Variants in LZTR1 observed in about 807,000 individuals in gnomAD.
The protein encoded by LZTR1 is leucine zipper like post translational regulator 1, also known as leucine-zipper-like transcriptional regulator 1.
Under a neutral mutation model 105.7 loss-of-function variants are expected in LZTR1, and 260 were observed. The ratio of observed to expected loss-of-function variants is 2.46; its 90% CI spans 2.22 to 2.72. LZTR1 has a LOEUF of 2.72. Ranked by LOEUF, LZTR1 falls within the 30% of genes most tolerant of loss-of-function variation. LZTR1 has a pLI of 0.00. For synonymous variants in LZTR1, 490 were observed against 476.4 expected (o/e 1.03, Z -0.37); for missense variants, 1,214 against 1,166.9 (o/e 1.04, Z -0.59).
Position 20,997,388 on chromosome 22 carries a change from C to A in LZTR1, c.*40C>A. 1 of 1,387,914 alleles carries A rather than the reference C, an allele frequency of 7.2e-7. No homozygotes were observed. Among genetic ancestry groups the A allele is most frequent in the Non-Finnish European group, 1.0e-6 (1 of 975,416 alleles). 86.0% of individuals were successfully genotyped at this position (1,387,914 alleles called of 1,614,324 possible). A position where few individuals can be genotyped will look rare whatever the true frequency, so the allele number is the denominator to read the frequency against. ...TGCCCATTGTGAAGAATCGCCGTGC[C>A]TGCCTGCCCTGCCTACTGAGAAGAC... On this transcript the variant is annotated 3_prime_UTR_variant, in exon 21 of 21. Coordinates refer to ENST00000646124, the MANE Select transcript of LZTR1 (RefSeq NM_006767.4).
chr22:20,995,259 A>G (rs5752415), intron 16 of LZTR1: 15,533 of 691,792 alleles, frequency 0.022, 1,052 homozygotes, highest in East Asian at 0.18. Context: ...TCCTGAGCCA[A>G]TTTCTGGGGG....
Position 20,995,022 on chromosome 22 carries a change from C to T in LZTR1, c.1938C>T (p.Asp646=). The T allele has an allele frequency of 6.2e-7, 1 of 1,607,446 alleles. No homozygotes were observed. Among genetic ancestry groups the T allele is most frequent in the Non-Finnish European group, 8.5e-7 (1 of 1,176,784 alleles). Reference sequence around the variant, plus strand: ...GCACTCCCTTGGACCAGCCAGTGGACATTGGTAGGGAGCCCCGTTCCCCTT... The same window carrying T: ...GCACTCCCTTGGACCAGCCAGTGGATATTGGTAGGGAGCCCCGTTCCCCTT... ...PPRTPLDQPV[D]IGTSLIQDMK... Residue 646 remains aspartate (D), a synonymous_variant, in exon 16 of 21, where the codon GAC becomes GAT. Transcript: ENST00000646124.
chr22:20,993,660 A>C lies in LZTR1; in HGVS notation c.1261-2A>C, dbSNP rs759240190. 1.9e-6 allele frequency: 3 copies of C among 1,612,648 alleles called. No homozygotes were observed. Among genetic ancestry groups the C allele is most frequent in the Non-Finnish European group, 2.5e-6 (3 of 1,179,344 alleles). ...TCTAGTCTCACTGGGCCCCTCTTGC[A>C]GTTCTCCTGTTACCCTAAATGCACG... On this transcript the variant is annotated splice_acceptor_variant, in intron 11 of 20. Transcript: ENST00000646124. LOFTEE classifies it high-confidence loss of function.
chr22:20,986,701 T>G (rs147650241), intron 3 of LZTR1: 1 of 152,210 alleles, frequency 6.6e-6, no homozygotes, highest in East Asian at 1.9e-4. Flanking sequence ...GATATATAGA[T>G]TATATAGATT....
At chr22:20,987,671 G>A (rs1246341671) in intron 4 of LZTR1, 88 bp downstream of exon 4, 31 of 1,216,902 alleles carry the variant, frequency 2.5e-5, no homozygotes, top group Admixed American at 8.5e-5. Context: ...ATTTGTGCTC[G>A]TGCTGTGTAC....
rs755381916 is a variant in LZTR1, at chr22:20,994,197, G to T, written c.1543G>T (p.Glu515Ter). The T allele has an allele frequency of 6.2e-7, 1 of 1,603,382 alleles. No individual in the cohort carries two copies. Among genetic ancestry groups the T allele is most frequent in the Admixed American group, 1.7e-5 (1 of 59,888 alleles). ...GCCCCTGCTGCACGTGGCCATCCGG[G>T]AGGCCGAGGCCCGGCCCTTCGAGGT... Reference protein sequence around the residue: ...RPPLLHVAIREAEARPFEVLM... With the variant: ...RPPLLHVAIR Residue 515 changes from glutamate (E) to a stop codon, truncating the protein, a stop_gained, in exon 14 of 21, where the codon GAG becomes TAG. Coordinates refer to ENST00000646124, the MANE Select transcript of LZTR1 (RefSeq NM_006767.4). LOFTEE classifies it high-confidence loss of function.
In LZTR1 at chr22:20,994,263, C is replaced by T. The variant is rs754507552; in HGVS notation, c.1609C>T (p.Arg537Trp). 5.0e-6 allele frequency: 8 copies of T among 1,597,718 alleles called. No homozygotes were observed. The highest frequency in any genetic ancestry group is 1.3e-5 in the African/African-American group (1 of 74,934). Residue 537 changes from arginine to tryptophan, a missense_variant, in exon 14 of 21, where the codon CGG (arginine) becomes TGG (tryptophan). Physicochemically the swap from Arg to Trp is moderately radical, Grantham distance 101. Coordinates refer to ENST00000646124, the MANE Select transcript of LZTR1 (RefSeq NM_006767.4). ...CTACACCGACAAGATCAAATACCCA[C>T]GGAAAGGTCCGCCTGGGTGGGGGTG... Reference protein sequence around the residue: ...FLYTDKIKYPRKGHVEDVLLI... With the variant: ...FLYTDKIKYPWKGHVEDVLLI...
At position 20,987,256 on chromosome 22, in the gene LZTR1, T is replaced by C. The variant is rs1313798946; in HGVS notation, c.321-248T>C. On this transcript the variant is annotated intron_variant, in intron 3 of 20. Transcript: ENST00000646124. ...AAAAATACAAAAAATTAGCTGGGCA[T>C]GATGGTGGGTGCCTGTAATCCCAGC... is the stretch of plus-strand genomic sequence containing the variant. 9 of 427,560 alleles carry C rather than the reference T, an allele frequency of 2.1e-5. No homozygotes were observed. In the Admixed American group the frequency reaches 2.8e-4, roughly 13 times the overall value. 26.5% of individuals were successfully genotyped at this position (427,560 alleles called of 1,614,324 possible). A position where few individuals can be genotyped will look rare whatever the true frequency, so the allele number is the denominator to read the frequency against.
chr22:20,987,612 G>T (rs748433737), intron 4 of LZTR1, 29 bp downstream of exon 4: 1 of 1,599,514 alleles, frequency 6.3e-7, no homozygotes, highest in Non-Finnish European at 8.6e-7. Context: ...CCCAGGGGCT[G>T]TGTCGCCCCG....
At position 20,987,720 on chromosome 22, in the gene LZTR1, G is replaced by C. The variant is rs936778457; in HGVS notation, c.400+137G>C. ...TCTCCACCCGTGGCTTTGTCTGCCA[G>C]TCTTCGGAATTCTGCGCTGGATCTG... On this transcript the variant is annotated intron_variant, in intron 4 of 20. Transcript: ENST00000646124. The C allele has an allele frequency of 2.3e-5, 19 of 818,668 alleles. No homozygotes were observed. In the South Asian group the frequency reaches 2.8e-4, roughly 12 times the overall value. The allele number at this position is 818,668 out of a possible 1,614,324, so 50.7% of individuals were successfully genotyped here.
chr22:20,986,703 A>T (rs149027108), intron 3 of LZTR1: 2 of 152,326 alleles, frequency 1.3e-5, no homozygotes, highest in South Asian at 2.1e-4. Context: ...TATATAGATT[A>T]TATAGATTAG....
At chr22:20,994,394 C>A (rs1323008477) in intron 14 of LZTR1, 125 bp downstream of exon 14, 1 of 1,279,644 alleles carries the variant, frequency 7.8e-7, no homozygotes, top group African/African-American at 1.5e-5. Context: ...CTGCAGGTCA[C>A]CCTCCTTACC....
At position 20,993,796 on chromosome 22, in the gene LZTR1, G is replaced by C. The variant is rs768357726; in HGVS notation, c.1353+42G>C. The C allele has an allele frequency of 8.9e-5, 141 of 1,582,058 alleles. 1 individual carries two copies. The highest frequency in any genetic ancestry group is 1.1e-4 in the Non-Finnish European group (130 of 1,159,372). On this transcript the variant is annotated intron_variant, in intron 12 of 20. Coordinates refer to ENST00000646124, the MANE Select transcript of LZTR1 (RefSeq NM_006767.4). ...GCACCCTGCTCTGCCTGCTGTGCCT[G>C]GGCAGTGGGAATTTCGCCCCTCAGA...
Position 20,985,871 on chromosome 22 carries a change from C to A in LZTR1, c.294C>A (p.Phe98Leu). Residue 98 changes from phenylalanine (F) to leucine (L), a missense_variant, in exon 3 of 21, where the codon TTC (phenylalanine) becomes TTA (leucine). Physicochemically the swap from Phe to Leu is conservative, Grantham distance 22. Coordinates refer to ENST00000646124, the MANE Select transcript of LZTR1 (RefSeq NM_006767.4). ...GKTMLNDLLR[F>L]DVKDCSWCRA... ...CCATGCTCAATGACCTCCTGCGGTT[C>A]GATGTGAAAGACTGCTCCTGGTGCA... The A allele has an allele frequency of 6.2e-7, 1 of 1,614,136 alleles. No homozygotes were observed. The highest frequency in any genetic ancestry group is 1.1e-5 in the South Asian group (1 of 91,078).
chr22:20,982,760 G>A (rs1369112884), intron 1 of LZTR1, among the ~76,000 whole-genome samples, 189 bp downstream of exon 1: 2 of 152,172 alleles, frequency 1.3e-5, no homozygotes, highest in Admixed American at 6.5e-5. Context: ...CCGATGTCCC[G>A]GGACAGGGTA....
intron 18 of LZTR1, chr22:20,996,417 C>T: frequency 5.1e-6 from 3 of 591,886 alleles, no homozygotes; most frequent in East Asian, 2.8e-5. Flanking sequence ...CCTTATGTCA[C>T]TTCAGTAGGG....
intron 18 of LZTR1, 140 bp downstream of exon 18, chr22:20,996,252 T>C: frequency 1.1e-6 from 1 of 937,088 alleles, no homozygotes. Flanking sequence ...TGCTGGTGCC[T>C]GGGGCTGGGC....
intron 2 of LZTR1, among the ~76,000 whole-genome samples, chr22:20,984,736 G>C (rs1267297058): frequency 6.6e-6 from 1 of 152,068 alleles, no homozygotes; most frequent in Non-Finnish European, 1.5e-5. Context: ...GGAGGTGAGA[G>C]AGCACCCACT....
In LZTR1 at chr22:20,996,720, C is replaced by G. The variant is rs1682503990; in HGVS notation, c.2244C>G (p.Tyr748Ter). Residue 748 changes from tyrosine to a stop codon, truncating the protein, a stop_gained, in exon 19 of 21, where the codon TAC (tyrosine) becomes TAG (stop). Coordinates refer to ENST00000646124, the MANE Select transcript of LZTR1 (RefSeq NM_006767.4). LOFTEE classifies it high-confidence loss of function. Reference sequence around the variant, plus strand: ...GCTACTTGTTTGCGGCCCCCTACTACTACGGCTTCTACAACAACCGGCTGC... The same window carrying G: ...GCTACTTGTTTGCGGCCCCCTACTAGTACGGCTTCTACAACAACCGGCTGC... ...DSLYLFAAPY[Y>*]YGFYNNRLQA... 2 of 1,613,566 alleles carry G rather than the reference C, an allele frequency of 1.2e-6. No individual in the cohort carries two copies. Among genetic ancestry groups the G allele is most frequent in the African/African-American group, 1.3e-5 (1 of 75,004 alleles).
Sources: gnomAD v4.1 joint callset for allele counts (sites outside exome capture counted in the v4.1 genomes callset) on GRCh38, gnomAD v4.1.1 for gene constraint, MANE v1.5 for transcripts, NCBI Gene and HGNC (gene_info 2026-07-23, HGNC 2026-07-21) for gene names.